Variants in SEPTIN10 observed in about 807,000 individuals in gnomAD.
SEPTIN10 encodes the protein septin 10.
In SEPTIN10, 66 loss-of-function variants were observed where a neutral mutation model predicts 54.8. The observed-to-expected ratio is 1.21, with a 90% confidence interval of 0.99 to 1.48. The LOEUF is 1.48. Among genes scored for constraint, SEPTIN10 ranks in the 40% most tolerant of loss-of-function variants. The pLI is 0.00. For synonymous variants in SEPTIN10, 161 were observed against 181.0 expected, an observed-to-expected ratio of 0.89 and a Z score of 0.89; for missense variants, 620 against 545.6, an observed-to-expected ratio of 1.14 and a Z score of -1.36.
At chr2:109,604,850 C>T (rs1341654333) in intron 1 of SEPTIN10, 3 of 152,160 alleles carry the variant, frequency 2.0e-5, no homozygotes, top group Non-Finnish European at 4.4e-5. Context: ...AATGCAAGGA[C>T]AGCAGAAAAG....
In SEPTIN10 at chr2:109,564,478, T is replaced by A. The variant is rs376499571; in HGVS notation, c.916A>T (p.Asn306Tyr). 332 of 1,584,098 alleles carry A rather than the reference T, an allele frequency of 2.1e-4. No homozygotes were observed. The highest frequency in any genetic ancestry group is 2.8e-4 in the Non-Finnish European group (327 of 1,161,194). ...GTCTGCTCTCGCAGGTCCTCCATAT[T>A]TGTACAAATGAGCATTTCCCGCAGC... ...VKLREMLICT[N>Y]MEDLREQTHT... The change falls in exon 8 of 11, where the codon AAT becomes TAT. Residue 306 changes from asparagine to tyrosine, a missense_variant. By Grantham distance (143) the Asn-to-Tyr change is moderately radical (BLOSUM62 -2). Transcript: ENST00000397712.
In SEPTIN10 at chr2:109,579,619, G is replaced by A. The variant is rs542779970; in HGVS notation, c.414-4852C>T. ...GCTGGTCTCAAACTCCTGACCTCAG[G>A]TGATCCACCCACCTTGGCCTCCCAA... On this transcript the variant is annotated intron_variant, in intron 4 of 10. Transcript: ENST00000397712. Among the ~76,000 whole-genome samples, 15 of 151,424 alleles carry A rather than the reference G, an allele frequency of 9.9e-5. No individual in the cohort carries two copies. In the East Asian group the frequency reaches 1.6e-3, roughly 16 times the overall value.
intron 8 of SEPTIN10, among the ~76,000 whole-genome samples, chr2:109,561,186 G>A (rs1685566652): frequency 6.6e-6 from 1 of 152,126 alleles, no homozygotes; most frequent in African/African-American, 2.4e-5. Flanking sequence ...GTACTGCAGT[G>A]AACTGATCTT....
intron 2 of SEPTIN10, among the ~76,000 whole-genome samples, chr2:109,586,176 G>T (rs1692486505): frequency 6.6e-6 from 1 of 152,026 alleles, no homozygotes; most frequent in Non-Finnish European, 1.5e-5. Context: ...TAAAAACTTA[G>T]AAAATTCTTA....
At chr2:109,555,524 A>T (rs1684157263) in intron 8 of SEPTIN10, among the ~76,000 whole-genome samples, 1 of 152,194 alleles carries the variant, frequency 6.6e-6, no homozygotes, top group Admixed American at 6.5e-5. Context: ...ATACCACTGG[A>T]GGCTATATTA....
At chr2:109,592,829 T>C (rs1396121046) in intron 2 of SEPTIN10, among the ~76,000 whole-genome samples, 2 of 151,856 alleles carry the variant, frequency 1.3e-5, no homozygotes, top group Non-Finnish European at 2.9e-5. Flanking sequence ...ATTTCCTTAA[T>C]GTCAGAATAT....
intron 6 of SEPTIN10, among the ~76,000 whole-genome samples, 196 bp from the exon 7 acceptor site, chr2:109,566,055 A>G (rs1686938821): frequency 6.6e-6 from 1 of 152,126 alleles, no homozygotes; most frequent in African/African-American, 2.4e-5. Flanking sequence ...GGGCCCCATA[A>G]AGAAAAGTAT....
intron 4 of SEPTIN10, among the ~76,000 whole-genome samples, chr2:109,576,412 T>C (rs375644769): frequency 2.0e-5 from 3 of 151,660 alleles, no homozygotes; most frequent in East Asian, 3.9e-4. Flanking sequence ...AAAAATGATA[T>C]TTTTTTTAAT....
chr2:109,576,325 C>G (rs759756862), intron 4 of SEPTIN10, among the ~76,000 whole-genome samples: 3 of 151,968 alleles, frequency 2.0e-5, no homozygotes, highest in Non-Finnish European at 4.4e-5. Flanking sequence ...TCTTGAACTC[C>G]TGGCCTTAAG....
intron 8 of SEPTIN10, among the ~76,000 whole-genome samples, chr2:109,560,544 T>C (rs1685427580): frequency 6.6e-6 from 1 of 152,220 alleles, no homozygotes; most frequent in Non-Finnish European, 1.5e-5. Context: ...GAATTAATCA[T>C]TTAAATACCC....
chr2:109,544,152 T>TA lies in SEPTIN10; in HGVS notation c.*156dup. 1 of 1,553,366 alleles carries TA rather than the reference T, an allele frequency of 6.4e-7. No homozygotes were observed. Among genetic ancestry groups the TA allele is most frequent in the Middle Eastern group, 1.9e-4 (1 of 5,248 alleles). On this transcript the variant is annotated 3_prime_UTR_variant, in exon 11 of 11. Coordinates refer to ENST00000397712, the MANE Select transcript of SEPTIN10 (RefSeq NM_144710.5). ...CACTCTGGCTTATGTATTGACCTTG[T>TA]ACTTGAAAGTACTTTTCCATAAATA...
intron 9 of SEPTIN10, among the ~76,000 whole-genome samples, chr2:109,548,067 C>G (rs567915791): frequency 6.6e-6 from 1 of 151,894 alleles, no homozygotes; most frequent in Non-Finnish European, 1.5e-5. Flanking sequence ...TGTAGAAGAA[C>G]TAGTAATGAG....
intron 1 of SEPTIN10, among the ~76,000 whole-genome samples, chr2:109,596,817 T>C (rs185359598): frequency 1.3e-3 from 191 of 152,154 alleles, no homozygotes; most frequent in Non-Finnish European, 2.2e-3. Flanking sequence ...ATTAGTAAGT[T>C]TAAATGAGTC....
Position 109,574,737 on chromosome 2 carries a change from A to G in SEPTIN10, c.444T>C (p.Ala148=). The change falls in exon 5 of 11, where the codon GCT becomes GCC. Residue 148 remains alanine (A), a synonymous_variant. Coordinates refer to ENST00000397712, the MANE Select transcript of SEPTIN10 (RefSeq NM_144710.5). ...CTTCTTGGAGATAGGCCTCAAACTG[A>G]GCATCTATGTAGTCAACTATTGGTT... ...SYQPIVDYID[A]QFEAYLQEEL... The G allele has an allele frequency of 3.1e-6, 5 of 1,599,536 alleles. No homozygotes were observed. The highest frequency in any genetic ancestry group is 4.3e-6 in the Non-Finnish European group (5 of 1,173,768).
chr2:109,601,292 A>G (rs1195775534), intron 1 of SEPTIN10, among the ~76,000 whole-genome samples: 8 of 152,240 alleles, frequency 5.3e-5, no homozygotes, highest in Admixed American at 2.6e-4. Flanking sequence ...TTAGCATACA[A>G]AAGACATCAC....
chr2:109,585,294 A>C lies in SEPTIN10; in HGVS notation c.245T>G (p.Leu82Arg), dbSNP rs1460526673. The change falls in exon 4 of 11, where the codon CTG becomes CGG. Residue 82 changes from leucine (L) to arginine (R), a missense_variant. Coordinates refer to ENST00000397712, the MANE Select transcript of SEPTIN10 (RefSeq NM_144710.5). The stretch of plus-strand genomic sequence containing the variant: ...ATTAGTATTAAACAATGTGTCAATC[A>C]GTGTTGATTTTCCAATTCCAGTTTC... ...VGETGIGKST[L>R]IDTLFNTNFE... 1 of 1,605,282 alleles carries C rather than the reference A, an allele frequency of 6.2e-7. No homozygotes were observed.
chr2:109,580,335 T>A, intron 4 of SEPTIN10, among the ~76,000 whole-genome samples: 1 of 133,364 alleles, frequency 7.5e-6, no homozygotes, highest in Non-Finnish European at 1.6e-5. Flanking sequence ...AAGTCACAAT[T>A]TCTCCATAAA....
chr2:109,604,481 C>G (rs1222354732), intron 1 of SEPTIN10, among the ~76,000 whole-genome samples: 3 of 148,668 alleles, frequency 2.0e-5, no homozygotes, highest in Non-Finnish European at 4.4e-5. Flanking sequence ...AATCCTAGCA[C>G]TTTGGGAGGC....
chr2:109,544,067 AT>A lies in SEPTIN10; in HGVS notation c.*241del. The A allele has an allele frequency of 7.7e-7, 1 of 1,297,150 alleles. No homozygotes were observed. Among genetic ancestry groups the A allele is most frequent in the East Asian group, 2.5e-5 (1 of 39,550 alleles). The allele number at this position is 1,297,150 out of a possible 1,614,324, so 80.4% of individuals were successfully genotyped here. A position where few individuals can be genotyped will look rare whatever the true frequency, so the allele number is the denominator to read the frequency against. ...CAAGTCAGTGCTCAAAAAGATTCAGATTTTGAAGCTTCTGGATTTCAGATTT... is the reference window on the plus strand; with the variant it reads ...CAAGTCAGTGCTCAAAAAGATTCAGATTTGAAGCTTCTGGATTTCAGATTT... On this transcript the variant is annotated 3_prime_UTR_variant, in exon 11 of 11. Transcript: ENST00000397712.
Sources: gnomAD v4.1 joint callset for allele counts (sites outside exome capture counted in the v4.1 genomes callset) on GRCh38, gnomAD v4.1.1 for gene constraint, MANE v1.5 for transcripts, NCBI Gene and HGNC (gene_info 2026-07-23, HGNC 2026-07-21) for gene names.